Variants in ENTREP2 observed in about 807,000 individuals in gnomAD.
ENTREP2 encodes protein ENTREP2.
chr15:29,197,602 C>G, the ENTREP2 span, among the ~76,000 whole-genome samples: 47 of 152,126 alleles, frequency 3.1e-4, no homozygotes, highest in African/African-American at 1.1e-3. Flanking sequence ...CCCGTCTCTA[C>G]TAAAAATACA....
At chr15:29,388,906 T>A in the ENTREP2 span, among the ~76,000 whole-genome samples, 1 of 135,594 alleles carries the variant, frequency 7.4e-6, no homozygotes, top group Non-Finnish European at 1.5e-5. Context: ...TAGGTGGGAA[T>A]TGAACAATGA....
At chr15:29,225,452 T>G in the ENTREP2 span, among the ~76,000 whole-genome samples, 2 of 152,226 alleles carry the variant, frequency 1.3e-5, no homozygotes, top group African/African-American at 4.8e-5. Context: ...AAGATCTTGT[T>G]GCATTTTGGT....
the ENTREP2 span, among the ~76,000 whole-genome samples, chr15:29,481,587 A>T: frequency 6.6e-6 from 1 of 152,232 alleles, no homozygotes; most frequent in Non-Finnish European, 1.5e-5. Context: ...TCTAATAAAA[A>T]TTCTGAAGGA....
chr15:29,415,217 A>T, the ENTREP2 span, among the ~76,000 whole-genome samples: 1 of 152,208 alleles, frequency 6.6e-6, no homozygotes, highest in Admixed American at 6.5e-5. Flanking sequence ...ATTTTACACC[A>T]ATATCCCTGA....
At chr15:29,587,055 G>T in the ENTREP2 span, among the ~76,000 whole-genome samples, 3 of 151,884 alleles carry the variant, frequency 2.0e-5, no homozygotes, top group Non-Finnish European at 4.4e-5. Flanking sequence ...CCCAGGCTAG[G>T]TTACATACAG....
chr15:29,335,145 T>C, the ENTREP2 span, among the ~76,000 whole-genome samples: 2 of 152,176 alleles, frequency 1.3e-5, no homozygotes, highest in Non-Finnish European at 2.9e-5. Flanking sequence ...CACAGAATCA[T>C]GAAAAGTGGT....
chr15:29,154,072 T>C, the ENTREP2 span, among the ~76,000 whole-genome samples: 1 of 152,242 alleles, frequency 6.6e-6, no homozygotes, highest in Non-Finnish European at 1.5e-5. Context: ...TGTTAGTACA[T>C]AGAAATGTGA....
the ENTREP2 span, among the ~76,000 whole-genome samples, chr15:29,444,218 GAAA>G: frequency 6.8e-6 from 1 of 148,138 alleles, no homozygotes; most frequent in African/African-American, 2.6e-5. Flanking sequence ...AAGAAAGAAA[GAAA>G]GAAAGAAAGA....
the ENTREP2 span, chr15:29,126,154 C>G: frequency 1.1e-6 from 1 of 884,784 alleles, no homozygotes; most frequent in Non-Finnish European, 1.7e-6. Flanking sequence ...CCCAGTGTGG[C>G]CCCAGACAGG....
the ENTREP2 span, among the ~76,000 whole-genome samples, chr15:29,138,310 T>G: frequency 6.6e-6 from 1 of 152,200 alleles, no homozygotes; most frequent in Non-Finnish European, 1.5e-5. Flanking sequence ...TCTGAAGGAC[T>G]AACCAACAAC....
the ENTREP2 span, among the ~76,000 whole-genome samples, chr15:29,477,667 G>C: frequency 6.9e-3 from 1,043 of 152,240 alleles, 2 homozygotes; most frequent in Non-Finnish European, 0.01. Flanking sequence ...GCCTGGAGAG[G>C]GGACCCTGTC....
chr15:29,643,340 C>T, the ENTREP2 span, among the ~76,000 whole-genome samples: 1 of 152,152 alleles, frequency 6.6e-6, no homozygotes, highest in African/African-American at 2.4e-5. Flanking sequence ...AGACATTTCT[C>T]CCACTATACA....
the ENTREP2 span, among the ~76,000 whole-genome samples, chr15:29,514,108 T>G: frequency 6.6e-6 from 1 of 152,216 alleles, no homozygotes; most frequent in Admixed American, 6.5e-5. Context: ...ATTTACCATC[T>G]TAGCCATTTT....
the ENTREP2 span, among the ~76,000 whole-genome samples, chr15:29,546,441 TA>T: frequency 4.7e-5 from 7 of 148,888 alleles, no homozygotes; most frequent in African/African-American, 1.7e-4. Context: ...GTAATAGGGG[TA>T]AAAAAAAAGA....
At chr15:29,231,463 T>C in the ENTREP2 span, among the ~76,000 whole-genome samples, 2 of 152,208 alleles carry the variant, frequency 1.3e-5, no homozygotes, top group African/African-American at 2.4e-5. Context: ...TCCCATATCA[T>C]ATGTAAATTA....
At chr15:29,421,025 G>C in the ENTREP2 span, among the ~76,000 whole-genome samples, 5 of 152,214 alleles carry the variant, frequency 3.3e-5, no homozygotes, top group Admixed American at 1.3e-4. Context: ...TGGAATTCCA[G>C]AGATGGCAGA....
the ENTREP2 span, among the ~76,000 whole-genome samples, chr15:29,251,429 C>T: frequency 6.6e-6 from 1 of 152,254 alleles, no homozygotes; most frequent in African/African-American, 2.4e-5. Context: ...TGATCTTCTA[C>T]AACAAGCTCG....
the ENTREP2 span, among the ~76,000 whole-genome samples, chr15:29,302,281 TA>T: frequency 6.6e-6 from 1 of 152,212 alleles, no homozygotes; most frequent in Non-Finnish European, 1.5e-5. Flanking sequence ...AAATTCCTGT[TA>T]AATTTATCAT....
At chr15:29,542,798 T>C in the ENTREP2 span, among the ~76,000 whole-genome samples, 1 of 152,222 alleles carries the variant, frequency 6.6e-6, no homozygotes, top group African/African-American at 2.4e-5. Flanking sequence ...CTACTCTGGG[T>C]ACCTCATATA....
Sources: gnomAD v4.1 joint callset for allele counts (sites outside exome capture counted in the v4.1 genomes callset) on GRCh38, gnomAD v4.1.1 for gene constraint, MANE v1.5 for transcripts, NCBI Gene and HGNC (gene_info 2026-07-23, HGNC 2026-07-21) for gene names.